Variants in XPC observed in about 807,000 individuals in gnomAD.
The protein encoded by XPC is DNA repair protein complementing XP-C cells.
Under a neutral mutation model 95.8 loss-of-function variants are expected in XPC, and 76 were observed. The observed-to-expected ratio is 0.79, with a 90% CI of 0.66 to 0.96. The LOEUF is 0.96. XPC is among the 40% of genes least tolerant of loss of function. The pLI is 0.00. For missense variants in XPC, 1,146 were observed against 1,179.8 expected (o/e 0.97, Z 0.42); for synonymous variants, 442 against 442.1 (o/e 1.00, Z 0.00).
At chr3:14,154,873 A>T (rs200985668) in intron 10 of XPC, among the ~76,000 whole-genome samples, 4 of 23,024 alleles carry the variant, frequency 1.7e-4, no homozygotes, top group African/African-American at 6.2e-4. Flanking sequence ...ATTATAAAAA[A>T]TTTATAAATA....
intron 4 of XPC, 38 bp from the exon 5 acceptor site, chr3:14,167,291 G>C: frequency 6.4e-7 from 1 of 1,567,124 alleles, no homozygotes; most frequent in Non-Finnish European, 8.7e-7. Flanking sequence ...ATGAAGGGGG[G>C]AACTGAAACC....
At chr3:14,157,988 GC>G in intron 9 of XPC, 22 bp downstream of exon 9, 1 of 1,577,108 alleles carries the variant, frequency 6.3e-7, no homozygotes. Flanking sequence ...GTGTCTTGGA[GC>G]CCCTGGCAGC....
At chr3:14,177,247 G>C (rs2125051370) in intron 1 of XPC, among the ~76,000 whole-genome samples, 1 of 152,200 alleles carries the variant, frequency 6.6e-6, no homozygotes, top group Middle Eastern at 3.4e-3. Flanking sequence ...TATCCACATT[G>C]TATTAGGTAT....
rs762638486 is a variant in XPC, at chr3:14,168,317, G to A, written c.476C>T (p.Pro159Leu). Reference sequence around the variant, plus strand: ...AATCTCTATCTCCACTGGCTTCACAGGCAGAAGAGATCGAGAGAAGGCTGT... The same window carrying A: ...AATCTCTATCTCCACTGGCTTCACAAGCAGAAGAGATCGAGAGAAGGCTGT... ...ESTAFSRSLLPVKPVEIEIET... is the reference protein window; with the variant it reads ...ESTAFSRSLLLVKPVEIEIET... Residue 159 changes from proline to leucine, a missense_variant, in exon 4 of 16, where the codon CCT becomes CTT. By Grantham distance (98) the Pro-to-Leu change is moderately conservative. Coordinates refer to ENST00000285021, the MANE Select transcript of XPC (RefSeq NM_004628.5). The A allele has an allele frequency of 2.5e-6, 4 of 1,613,852 alleles. No individual in the cohort carries two copies. The South Asian group carries it at 4.4e-5, about 18-fold the overall frequency.
At position 14,168,306 on chromosome 3, in the gene XPC, C is replaced by T; in HGVS notation, c.487G>A (p.Val163Met). 6.2e-7 allele frequency: 1 copy of T among 1,613,874 alleles called. No individual in the cohort carries two copies. Among genetic ancestry groups the T allele is most frequent in the Non-Finnish European group, 8.5e-7 (1 of 1,179,880 alleles). The stretch of plus-strand genomic sequence containing the variant: ...TCTGGCGTTTCAATCTCTATCTCCA[C>T]TGGCTTCACAGGCAGAAGAGATCGA... ...FSRSLLPVKP[V>M]EIEIETPEQA... Residue 163 changes from valine to methionine, a missense_variant, in exon 4 of 16, where the codon GTG becomes ATG. Coordinates refer to ENST00000285021, the MANE Select transcript of XPC (RefSeq NM_004628.5).
intron 9 of XPC, among the ~76,000 whole-genome samples, 155 bp from the exon 10 acceptor site, chr3:14,156,650 C>T (rs1334104461): frequency 7.2e-5 from 11 of 152,186 alleles, no homozygotes; most frequent in Non-Finnish European, 1.3e-4. Flanking sequence ...TCTGTACCTC[C>T]GGCCAGTAAG....
At chr3:14,147,872 GCTTCTGCTGTCC>G (rs777424613) in intron 14 of XPC, 24 bp downstream of exon 14, 7 of 1,551,130 alleles carry the variant, frequency 4.5e-6, no homozygotes, top group Middle Eastern at 1.8e-4. Context: ...GTTGCTTCCC[GCTTCTGCTGTCC>G]CTCAGTCCTG....
At chr3:14,161,638 A>T (rs1369776412) in intron 7 of XPC, among the ~76,000 whole-genome samples, 1 of 151,184 alleles carries the variant, frequency 6.6e-6, no homozygotes, top group African/African-American at 2.4e-5. Context: ...TTAAAAAAAA[A>T]AAAAAAAAAT....
chr3:14,164,010 C>T (rs1041112536), intron 7 of XPC, among the ~76,000 whole-genome samples: 45 of 152,200 alleles, frequency 3.0e-4, no homozygotes, highest in African/African-American at 1.0e-3. Flanking sequence ...GATTGCACCA[C>T]TGCACTCCAG....
Position 14,158,144 on chromosome 3 carries a change from T to G in XPC, c.1739A>C (p.Asp580Ala). 1 of 1,613,910 alleles carries G rather than the reference T, an allele frequency of 6.2e-7. No homozygotes were observed. Among genetic ancestry groups the G allele is most frequent in the Non-Finnish European group, 8.5e-7 (1 of 1,179,882 alleles). Residue 580 changes from aspartate to alanine, a missense_variant, in exon 9 of 16, where the codon GAT becomes GCT. Physicochemically the swap from Asp to Ala is moderately radical, Grantham distance 126. Coordinates refer to ENST00000285021, the MANE Select transcript of XPC (RefSeq NM_004628.5). The surrounding 1 kb of genome is among the most constrained non-coding windows in gnomAD (Gnocchi z 5.2). ...GACTGGGTCGTACCTCTGTGTGACA[T>G]CTCGGACCCAGCCGTCACTGTCAAT... ...VGIDSDGWVRDVTQRYDPVWM... is the reference protein window; with the variant it reads ...VGIDSDGWVRAVTQRYDPVWM...
rs1486214090 is a variant in XPC at position 14,145,165 on chromosome 3, T to A, written c.*776A>T. The A allele has an allele frequency of 2.0e-6, 1 of 512,432 alleles. No individual in the cohort carries two copies. The highest frequency in any genetic ancestry group is 3.4e-6 in the Non-Finnish European group (1 of 290,306). 31.7% of individuals were successfully genotyped at this position (512,432 alleles called of 1,614,324 possible). On this transcript the variant is annotated 3_prime_UTR_variant, in exon 16 of 16. Transcript: ENST00000285021. ...CCAAATCTTTAGATAAATGCTTTAT[T>A]ATTTTCTCAAAATGTTATAAAAGTC...
At chr3:14,170,413 C>G (rs758437036) in intron 3 of XPC, 25 bp downstream of exon 3, 1 of 1,605,890 alleles carries the variant, frequency 6.2e-7, no homozygotes, top group African/African-American at 1.3e-5. Flanking sequence ...CCAAACAGTT[C>G]TGAAAACAAA....
At chr3:14,171,710 C>T (rs1320188401) in intron 2 of XPC, among the ~76,000 whole-genome samples, 5 of 152,072 alleles carry the variant, frequency 3.3e-5, no homozygotes, top group Admixed American at 1.3e-4. Flanking sequence ...GTGGTGGGCA[C>T]CTACAGTCCC....
At chr3:14,148,479 C>A in intron 13 of XPC, 83 bp downstream of exon 13, 3 of 1,552,780 alleles carry the variant, frequency 1.9e-6, no homozygotes, top group Non-Finnish European at 2.6e-6. Flanking sequence ...TCCCAGCAGC[C>A]CCATGCCAGC....
chr3:14,158,500 T>G lies in XPC; in HGVS notation c.1383A>C (p.Glu461Asp), dbSNP rs755319413. The G allele has an allele frequency of 1.2e-5, 19 of 1,612,162 alleles. No individual in the cohort carries two copies. Among genetic ancestry groups the G allele is most frequent in the Non-Finnish European group, 1.5e-5 (18 of 1,178,796 alleles). Residue 461 changes from glutamate to aspartate, a missense_variant, in exon 9 of 16, where the codon GAA becomes GAC. Transcript: ENST00000285021. This position sits in a 1 kb window ranked among gnomAD's most constrained non-coding sequence, Gnocchi z 5.2. ...CTTTCCTCTGCTTTGGAGGGCCAGG[T>G]TCGGAATCCTCATCAGAGGGATCAG... ...EASDPSDEDS[E>D]PGPPKQRKAP...
At position 14,154,651 on chromosome 3, in the gene XPC, G is replaced by A. The variant is rs368622612; in HGVS notation, c.2033+1684C>T. ...GTGCAGGGCTGGAGAAGGGGAATTC[G>A]GAGTTTTTGATGGGGACGGAGTTTT... On this transcript the variant is annotated intron_variant, in intron 10 of 15. Transcript: ENST00000285021. Among the ~76,000 whole-genome samples, 129 of 152,234 alleles carry A rather than the reference G, an allele frequency of 8.5e-4. 1 individual carries two copies. The highest frequency in any genetic ancestry group is 2.9e-3 in the African/African-American group (122 of 41,540).
chr3:14,175,451 T>C (rs569467087), intron 1 of XPC, among the ~76,000 whole-genome samples: 1 of 152,306 alleles, frequency 6.6e-6, no homozygotes, highest in East Asian at 1.9e-4. Context: ...ATCCGTTTTT[T>C]TTTAACTTGT....
intron 3 of XPC, among the ~76,000 whole-genome samples, chr3:14,170,069 G>C (rs1696548064): frequency 6.6e-6 from 1 of 152,240 alleles, no homozygotes; most frequent in Non-Finnish European, 1.5e-5. Context: ...ACTCAGTTCA[G>C]AGAGGTGAAG....
chr3:14,157,021 GCTCT>G, intron 9 of XPC, among the ~76,000 whole-genome samples: 1 of 152,266 alleles, frequency 6.6e-6, no homozygotes, highest in African/African-American at 2.4e-5. Flanking sequence ...TGTTCACTAG[GCTCT>G]CTAAGGCTTG....
Sources: gnomAD v4.1 joint callset for allele counts (sites outside exome capture counted in the v4.1 genomes callset) on GRCh38, gnomAD v4.1.1 for gene constraint, Gnocchi (gnomAD v3.1) non-coding constraint, MANE v1.5 for transcripts, NCBI Gene and HGNC (gene_info 2026-07-23, HGNC 2026-07-21) for gene names.